The following PPME1 variants were observed in gnomAD, a reference collection of about 807,000 sequenced individuals.
The protein encoded by PPME1 is testicular secretory protein Li 39.
In PPME1, 17 loss-of-function variants were observed where a neutral mutation model predicts 56.9. The observed-to-expected ratio is 0.30, with a 90% CI of 0.20 to 0.45. The LOEUF is 0.45. Among genes scored for constraint, PPME1 ranks in the 20% least tolerant of loss-of-function variants. The pLI, the probability that PPME1 is intolerant of heterozygous loss-of-function variation, is 1.00. For missense variants in PPME1, 357 were observed against 483.2 expected, an observed-to-expected ratio of 0.74 and a Z score of 2.45; for synonymous variants, 122 against 156.2, an observed-to-expected ratio of 0.78 and a Z score of 1.63.
At chr11:74,187,769 C>T (rs1406982093) in intron 1 of PPME1, among the ~76,000 whole-genome samples, 5 of 152,134 alleles carry the variant, frequency 3.3e-5, no homozygotes, top group Non-Finnish European at 5.9e-5. Context: ...AACAACATCC[C>T]CAGGATGCTG....
chr11:74,173,487 G>T (rs984510505), intron 1 of PPME1, among the ~76,000 whole-genome samples: 1 of 152,094 alleles, frequency 6.6e-6, no homozygotes, highest in Non-Finnish European at 1.5e-5. Flanking sequence ...AAAATCTGCT[G>T]ATTAGAAGAT....
At chr11:74,175,189 G>A (rs139620020) in intron 1 of PPME1, among the ~76,000 whole-genome samples, 2 of 152,204 alleles carry the variant, frequency 1.3e-5, no homozygotes, top group African/African-American at 2.4e-5. Context: ...ATTATTCAAC[G>A]TGTTTTTGGT....
At position 74,225,572 on chromosome 11, in the gene PPME1, T is replaced by C. The variant is rs575792349; in HGVS notation, c.398+316T>C. 6.6e-5 allele frequency among the ~76,000 whole-genome samples: 10 copies of C among 152,320 alleles called. No individual in the cohort carries two copies. In the South Asian group the frequency reaches 2.1e-3, roughly 32 times the overall value. On this transcript the variant is annotated intron_variant, in intron 5 of 13. Transcript: ENST00000328257. The stretch of plus-strand genomic sequence containing the variant: ...GAATTGCGTTGAATCTGGGTACTTA[T>C]CATGGACTCACGCTTGGAAAAGTAG...
chr11:74,195,260 A>T (rs1565379394), intron 1 of PPME1, among the ~76,000 whole-genome samples: 1 of 152,206 alleles, frequency 6.6e-6, no homozygotes, highest in Non-Finnish European at 1.5e-5. Flanking sequence ...CCACACTGGT[A>T]TTGAATTGCA....
chr11:74,213,654 G>A (rs1255960321), intron 3 of PPME1, among the ~76,000 whole-genome samples: 1 of 152,198 alleles, frequency 6.6e-6, no homozygotes, highest in African/African-American at 2.4e-5. Context: ...CATTTATTTG[G>A]GAGAAAATAA....
rs578061914 is a variant in PPME1, at chr11:74,212,392, T to C, written c.288+7947T>C. Among the ~76,000 whole-genome samples the C allele has an allele frequency of 5.9e-5, 9 of 152,312 alleles. No homozygotes were observed. In the South Asian group the frequency reaches 1.9e-3, roughly 32 times the overall value. On this transcript the variant is annotated intron_variant, in intron 3 of 13. Coordinates refer to ENST00000328257, the MANE Select transcript of PPME1 (RefSeq NM_016147.3). ...CCTTGCCACCCAAGCTAAAGGGTCC[T>C]GGGGTCCTAAATAAACTTGAAAAGC... is the stretch of plus-strand genomic sequence containing the variant.
At chr11:74,205,486 A>G (rs17132826) in intron 3 of PPME1, 15,889 of 152,266 alleles carry the variant, frequency 0.1, 2,171 homozygotes, top group African/African-American at 0.32. Context: ...AGGACAGAAA[A>G]TGAGAGCAAG....
intron 9 of PPME1, 32 bp from the exon 10 acceptor site, chr11:74,246,044 C>T (rs373148051): frequency 8.5e-5 from 133 of 1,565,908 alleles, no homozygotes; most frequent in Middle Eastern, 3.3e-4. Flanking sequence ...GGGTTGCCCT[C>T]GGAGACTCAG....
chr11:74,186,799 C>G (rs1235278777), intron 1 of PPME1, among the ~76,000 whole-genome samples: 1 of 152,126 alleles, frequency 6.6e-6, no homozygotes, highest in African/African-American at 2.4e-5. Context: ...TATCACTATC[C>G]TATAAAGGCT....
At chr11:74,198,033 ATTAT>A (rs1309842553) in intron 1 of PPME1, among the ~76,000 whole-genome samples, 4 of 152,164 alleles carry the variant, frequency 2.6e-5, no homozygotes, top group Admixed American at 6.5e-5. Context: ...GGGGGAGGAA[ATTAT>A]TTATTTATTT....
chr11:74,237,517 C>T (rs537884226), intron 8 of PPME1, among the ~76,000 whole-genome samples: 4 of 151,900 alleles, frequency 2.6e-5, no homozygotes, highest in African/African-American at 9.7e-5. Flanking sequence ...CCTCATGATC[C>T]GCCCACCTCG....
chr11:74,215,816 T>C (rs551000659), intron 3 of PPME1, among the ~76,000 whole-genome samples: 74 of 152,344 alleles, frequency 4.9e-4, no homozygotes, highest in African/African-American at 1.8e-3. Flanking sequence ...GGGACAAAGA[T>C]ATTCCATGCT....
Position 74,171,327 on chromosome 11 carries a change from G to A in PPME1, c.-95G>A, listed in dbSNP as rs551386931. 1.3e-6 allele frequency: 2 copies of A among 1,514,500 alleles called. No individual in the cohort carries two copies. Among genetic ancestry groups the A allele is most frequent in the Admixed American group, 2.0e-5 (1 of 49,364 alleles). 93.8% of individuals were successfully genotyped at this position (1,514,500 alleles called of 1,614,324 possible). On this transcript the variant is annotated 5_prime_UTR_variant, in exon 1 of 14. Transcript: ENST00000328257. ...GGGTGCTGTCCAAAGGCGACAGGGC[G>A]TCGTTAGGGGAGCGAGTCGTGACCG...
chr11:74,246,999 A>G, intron 10 of PPME1, 80 bp from the exon 11 acceptor site: 2 of 1,176,360 alleles, frequency 1.7e-6, no homozygotes, highest in Non-Finnish European at 2.5e-6. Flanking sequence ...GAATGTCATC[A>G]TATTTAAAAC....
intron 9 of PPME1, among the ~76,000 whole-genome samples, chr11:74,244,222 C>T (rs1859449752): frequency 6.6e-6 from 1 of 152,186 alleles, no homozygotes; most frequent in East Asian, 1.9e-4. Context: ...CATAGTGCTG[C>T]TATGAACATG....
At chr11:74,196,912 A>G (rs939750431) in intron 1 of PPME1, among the ~76,000 whole-genome samples, 3 of 152,212 alleles carry the variant, frequency 2.0e-5, no homozygotes, top group African/African-American at 4.8e-5. Flanking sequence ...TTTAGTAAAC[A>G]TTATTAATTT....
At chr11:74,214,833 T>C (rs1858585299) in intron 3 of PPME1, among the ~76,000 whole-genome samples, 4 of 152,182 alleles carry the variant, frequency 2.6e-5, no homozygotes, top group Admixed American at 2.6e-4. Flanking sequence ...AAGGTAGTTC[T>C]TGCATCTGAA....
chr11:74,171,642 C>T (rs1027466413), intron 1 of PPME1, 120 bp downstream of exon 1: 9 of 1,305,562 alleles, frequency 6.9e-6, no homozygotes, highest in Non-Finnish European at 9.2e-6. Flanking sequence ...TGTTGGCGGC[C>T]TGGAGATATT....
At position 74,228,168 on chromosome 11, in the gene PPME1, C is replaced by T. The variant is rs963387839; in HGVS notation, c.399-2077C>T. On this transcript the variant is annotated intron_variant, in intron 5 of 13. Transcript: ENST00000328257. ...TTTAAAAAAAAAAAAACAGTTTGCC[C>T]CCAAAATTGTATCCAATATTGTTTT... 2.7e-5 allele frequency among the ~76,000 whole-genome samples: 4 copies of T among 150,782 alleles called. No homozygotes were observed. In the East Asian group the frequency reaches 7.7e-4, roughly 29 times the overall value.
Sources: gnomAD v4.1 joint callset for allele counts (sites outside exome capture counted in the v4.1 genomes callset) on GRCh38, gnomAD v4.1.1 for gene constraint, MANE v1.5 for transcripts, NCBI Gene and HGNC (gene_info 2026-07-23, HGNC 2026-07-21) for gene names.